The following IL1RL1 variants were observed in gnomAD, a reference collection of about 807,000 sequenced individuals.
IL1RL1 encodes the protein interleukin 1 receptor like 1, also known as interleukin-1 receptor-like 1.
A neutral mutation model predicts 50.9 loss-of-function variants in IL1RL1; 32 were observed. That is an observed-to-expected ratio of 0.63 (90% CI 0.47 to 0.84). The LOEUF is 0.84. IL1RL1 is among the 40% of genes least tolerant of loss of function. The probability of loss-of-function intolerance (pLI) is 0.00; values close to 1 mark genes in which losing one functional copy is unlikely to be tolerated. For synonymous variants in IL1RL1, 275 were observed against 236.0 expected (o/e 1.17, Z -1.51); for missense variants, 773 against 662.9 (o/e 1.17, Z -1.82).
In IL1RL1 at chr2:102,339,079, C is replaced by T. The variant is rs1314416190; in HGVS notation, c.272+32C>T. ...TGCAGAAGGCTCCCATCTTCTTTCA[C>T]CCTGCTCCCCTTTCTTCAGTGGTTG... On this transcript the variant is annotated intron_variant, in intron 3 of 10. Coordinates refer to ENST00000233954, the MANE Select transcript of IL1RL1 (RefSeq NM_016232.5). 3 of 1,488,582 alleles carry T rather than the reference C, an allele frequency of 2.0e-6. No homozygotes were observed. The Admixed American group carries it at 5.0e-5, about 25-fold the overall frequency. 92.2% of individuals were successfully genotyped at this position (1,488,582 alleles called of 1,614,324 possible).
chr2:102,342,226 A>G lies in IL1RL1; in HGVS notation c.614A>G (p.Glu205Gly). ...TATATTTCTTTTTGTCTTTAAGATG[A>G]GCAAGGCTTTTCTCTGTTTCCAGTA... The part of the protein sequence containing the change: ...TATRSFTVKD[E>G]QGFSLFPVIG... The change falls in exon 6 of 11, where the codon GAG (glutamate) becomes GGG (glycine). Residue 205 changes from glutamate to glycine, a missense_variant. Glu to Gly is a moderately conservative substitution (Grantham distance 98). Transcript: ENST00000233954. 1.2e-6 allele frequency: 2 copies of G among 1,606,760 alleles called. No homozygotes were observed. Among genetic ancestry groups the G allele is most frequent in the Non-Finnish European group, 1.7e-6 (2 of 1,173,534 alleles).
At position 102,342,911 on chromosome 2, in the gene IL1RL1, G is replaced by C. The variant is rs1677626060; in HGVS notation, c.683-125G>C. On this transcript the variant is annotated intron_variant, in intron 6 of 10. Transcript: ENST00000233954. ...ATAGAAAGAGGAAGGTGCTAGAGAT[G>C]AGGGAGGGAGGTCCTGGTGGGGTGC... The C allele has an allele frequency of 3.6e-6, 3 of 830,452 alleles. No individual in the cohort carries two copies. The Admixed American group carries it at 7.0e-5, about 19-fold the overall frequency. The allele number at this position is 830,452 out of a possible 1,614,324, so 51.4% of individuals were successfully genotyped here.
At chr2:102,334,549 A>G (rs1677259506) in intron 1 of IL1RL1, among the ~76,000 whole-genome samples, 1 of 152,110 alleles carries the variant, frequency 6.6e-6, no homozygotes, top group Non-Finnish European at 1.5e-5. Context: ...AAATAAAAAA[A>G]CAGAATAAAA....
intron 1 of IL1RL1, among the ~76,000 whole-genome samples, chr2:102,333,471 G>A (rs1677227921): frequency 6.6e-6 from 1 of 152,188 alleles, no homozygotes; most frequent in South Asian, 2.1e-4. Context: ...AATGGGAGAT[G>A]CTGAATTTTC....
intron 9 of IL1RL1, among the ~76,000 whole-genome samples, chr2:102,348,773 A>G (rs926801927): frequency 2.0e-5 from 3 of 152,208 alleles, no homozygotes; most frequent in Non-Finnish European, 2.9e-5. Flanking sequence ...AAGTCTATTC[A>G]GCACAGAAGG....
rs1246374021 is a variant in IL1RL1, at chr2:102,342,238, C to A, written c.626C>A (p.Ser209Tyr). 2 of 1,610,790 alleles carry A rather than the reference C, an allele frequency of 1.2e-6. No individual in the cohort carries two copies. The highest frequency in any genetic ancestry group is 1.7e-5 in the Admixed American group (1 of 59,964). ...SFTVKDEQGFSLFPVIGAPAQ... is the reference protein window; with the variant it reads ...SFTVKDEQGFYLFPVIGAPAQ... The stretch of plus-strand genomic sequence containing the variant: ...TGTCTTTAAGATGAGCAAGGCTTTT[C>A]TCTGTTTCCAGTAATCGGAGCCCCT... Residue 209 changes from serine to tyrosine, a missense_variant, in exon 6 of 11, where the codon TCT (serine) becomes TAT (tyrosine). Coordinates refer to ENST00000233954, the MANE Select transcript of IL1RL1 (RefSeq NM_016232.5).
intron 1 of IL1RL1, among the ~76,000 whole-genome samples, chr2:102,321,785 A>T (rs928457935): frequency 1.3e-5 from 2 of 152,236 alleles, no homozygotes; most frequent in African/African-American, 4.8e-5. Flanking sequence ...TTTCACAGAG[A>T]TATCAGCAAT....
At position 102,351,896 on chromosome 2, in the gene IL1RL1, C is replaced by A; in HGVS notation, c.1646C>A (p.Thr549Asn). 1 of 1,611,658 alleles carries A rather than the reference C, an allele frequency of 6.2e-7. No individual in the cohort carries two copies. Among genetic ancestry groups the A allele is most frequent in the South Asian group, 1.1e-5 (1 of 90,892 alleles). ...ATTCCCAGAAAGGCCTCTAGTTTGA[C>A]TCCCTTGGCTGCCCAGAAGCAATAG... ...SKIPRKASSL[T>N]PLAAQKQ is the part of the protein sequence containing the mutation. The change falls in exon 11 of 11, where the codon ACT (threonine) becomes AAT (asparagine). Residue 549 changes from threonine to asparagine, a missense_variant. By Grantham distance (65) the Thr-to-Asn change is moderately conservative. Transcript: ENST00000233954.
At chr2:102,343,797 T>C in intron 8 of IL1RL1, 1 of 1,099,762 alleles carries the variant, frequency 9.1e-7, no homozygotes, top group Non-Finnish European at 1.1e-6. Flanking sequence ...GCATTACATG[T>C]TGTAAGCATG....
intron 4 of IL1RL1, 54 bp from the exon 5 acceptor site, chr2:102,340,612 T>C (rs1405260474): frequency 1.9e-6 from 3 of 1,541,136 alleles, no homozygotes; most frequent in Non-Finnish European, 2.6e-6. Flanking sequence ...TGTCAACAGA[T>C]AAATAAATAA....
intron 1 of IL1RL1, among the ~76,000 whole-genome samples, chr2:102,311,974 A>AT (rs1243494458): frequency 3.9e-4 from 6 of 15,448 alleles, no homozygotes; most frequent in South Asian, 9.6e-4. Flanking sequence ...ATATAATATT[A>AT]TATATAATAT....
At chr2:102,332,675 C>G (rs1394398888) in intron 1 of IL1RL1, among the ~76,000 whole-genome samples, 1 of 152,048 alleles carries the variant, frequency 6.6e-6, no homozygotes, top group East Asian at 1.9e-4. Context: ...ATGGGGACTT[C>G]ATGTTAATGG....
intron 1 of IL1RL1, among the ~76,000 whole-genome samples, chr2:102,331,846 T>G (rs866923511): frequency 6.6e-5 from 10 of 152,248 alleles, no homozygotes; most frequent in Middle Eastern, 3.4e-3. Flanking sequence ...GGTTGGTGGA[T>G]CTCTTGAGCC....
At chr2:102,335,386 G>GT (rs1451240977) in intron 1 of IL1RL1, among the ~76,000 whole-genome samples, 1 of 115,052 alleles carries the variant, frequency 8.7e-6, no homozygotes, top group African/African-American at 3.0e-5. Flanking sequence ...TTGACATTGG[G>GT]GGGAGAAAAG....
chr2:102,323,273 A>ATATATATATATATATATATATAGT (rs1303334375), intron 1 of IL1RL1, among the ~76,000 whole-genome samples: 3 of 48,498 alleles, frequency 6.2e-5, no homozygotes, highest in South Asian at 1.3e-3. Context: ...ATATATATAT[A>ATATATATATATATATATATATAGT]GTGTGTGTGT....
At chr2:102,330,850 T>G (rs1271127980) in intron 1 of IL1RL1, among the ~76,000 whole-genome samples, 8 of 152,238 alleles carry the variant, frequency 5.3e-5, no homozygotes, top group African/African-American at 1.9e-4. Context: ...TAGTGATTTT[T>G]GTATCCATTT....
At chr2:102,341,345 T>C in intron 5 of IL1RL1, 2 of 1,228,676 alleles carry the variant, frequency 1.6e-6, no homozygotes, top group South Asian at 1.5e-5. Context: ...TTCAACATCA[T>C]CAATGGCCTT....
At chr2:102,345,049 A>G in intron 8 of IL1RL1, 1 of 944,530 alleles carries the variant, frequency 1.1e-6, no homozygotes, top group Non-Finnish European at 1.3e-6. Flanking sequence ...CAAATAGCCA[A>G]AGCAGGGTGG....
rs761461359 is a variant in IL1RL1 at position 102,349,238 on chromosome 2, C to T, written c.1277C>T (p.Pro426Leu). The T allele has an allele frequency of 1.9e-6, 3 of 1,613,036 alleles. No individual in the cohort carries two copies. In the East Asian group the frequency reaches 6.7e-5, roughly 36 times the overall value. ...TGCATTTATGGGAGAGATATGCTAC[C>T]TGGAGAAGGTAAAGCTATTGACATA... Reference protein sequence around the residue: ...TLCIYGRDMLPGEDVVTAVET... With the variant: ...TLCIYGRDMLLGEDVVTAVET... The change falls in exon 10 of 11, where the codon CCT becomes CTT. Residue 426 changes from proline (P) to leucine (L), a missense_variant. Coordinates refer to ENST00000233954, the MANE Select transcript of IL1RL1 (RefSeq NM_016232.5).
Sources: gnomAD v4.1 joint callset for allele counts (sites outside exome capture counted in the v4.1 genomes callset) on GRCh38, gnomAD v4.1.1 for gene constraint, MANE v1.5 for transcripts, NCBI Gene and HGNC (gene_info 2026-07-23, HGNC 2026-07-21) for gene names.